The following CACNA2D3 variants were observed in gnomAD, a reference collection of about 807,000 sequenced individuals.
CACNA2D3 encodes calcium voltage-gated channel auxiliary subunit alpha2delta 3.
In CACNA2D3, 60 loss-of-function variants were observed where a neutral mutation model predicts 160.6. That is an observed-to-expected ratio of 0.37 (90% CI 0.30 to 0.46). CACNA2D3 has a LOEUF of 0.46. Among genes scored for constraint, CACNA2D3 ranks in the 20% least tolerant of loss-of-function variants. The pLI is 1.00. For synonymous variants in CACNA2D3, 558 were observed against 492.9 expected, an observed-to-expected ratio of 1.13 and a Z score of -1.75; for missense variants, 1,205 against 1,365.0, an observed-to-expected ratio of 0.88 and a Z score of 1.85.
At chr3:54,405,828 A>G (rs919570379) in intron 4 of CACNA2D3, among the ~76,000 whole-genome samples, 1 of 144,606 alleles carries the variant, frequency 6.9e-6, no homozygotes, top group African/African-American at 2.6e-5. Flanking sequence ...TCCAAAATTT[A>G]TAAAGAACTC....
intron 13 of CACNA2D3, among the ~76,000 whole-genome samples, chr3:54,777,232 G>A (rs10510773): frequency 0.24 from 36,655 of 152,034 alleles, 4,542 homozygotes; most frequent in Admixed American, 0.3. Flanking sequence ...CATAGGTAAG[G>A]ACATTTCACC....
intron 11 of CACNA2D3, among the ~76,000 whole-genome samples, chr3:54,644,389 C>A (rs1699590798): frequency 6.6e-6 from 1 of 152,110 alleles, no homozygotes; most frequent in Non-Finnish European, 1.5e-5. Context: ...CTGCCCTATT[C>A]TGGAGAGTTC....
intron 35 of CACNA2D3, among the ~76,000 whole-genome samples, chr3:55,053,078 C>A (rs1559474731): frequency 6.6e-6 from 1 of 152,020 alleles, no homozygotes. Context: ...ATGAAACTAT[C>A]ACCACAAACA....
chr3:54,324,421 T>C (rs1704077637), intron 3 of CACNA2D3, among the ~76,000 whole-genome samples: 1 of 152,238 alleles, frequency 6.6e-6, no homozygotes, highest in African/African-American at 2.4e-5. Flanking sequence ...GGTAATGGAC[T>C]ATATGTAACT....
intron 3 of CACNA2D3, among the ~76,000 whole-genome samples, chr3:54,346,411 T>C (rs1321929274): frequency 1.3e-5 from 2 of 151,668 alleles, no homozygotes; most frequent in Non-Finnish European, 2.9e-5. Context: ...TTGCCATAGT[T>C]ATCTGTTTCC....
intron 3 of CACNA2D3, among the ~76,000 whole-genome samples, chr3:54,321,266 G>A (rs1703985111): frequency 6.6e-6 from 1 of 151,738 alleles, no homozygotes; most frequent in South Asian, 2.1e-4. Flanking sequence ...GTTGCAGTGA[G>A]CCAAGATCGC....
rs569329082 is a variant in CACNA2D3 at position 54,486,826 on chromosome 3, C to T, written c.382-16666C>T. Among the ~76,000 whole-genome samples, 3 of 152,180 alleles carry T rather than the reference C, an allele frequency of 2.0e-5. No individual in the cohort carries two copies. In the South Asian group the frequency reaches 6.3e-4, roughly 32 times the overall value. On this transcript the variant is annotated intron_variant, in intron 4 of 37. Transcript: ENST00000474759. ...CTGACAGGGCCCTCTTGATTGATAG[C>T]CCCTCTTGTAGTGGAGAATGGGGTT...
chr3:54,270,444 A>G (rs1206315868), intron 2 of CACNA2D3, among the ~76,000 whole-genome samples: 1 of 152,212 alleles, frequency 6.6e-6, no homozygotes, highest in African/African-American at 2.4e-5. Flanking sequence ...CCACCATTCA[A>G]CAAGATGTTG....
intron 14 of CACNA2D3, among the ~76,000 whole-genome samples, chr3:54,827,060 C>T (rs1703764227): frequency 6.6e-6 from 1 of 152,202 alleles, no homozygotes; most frequent in Non-Finnish European, 1.5e-5. Context: ...TCCTTTGCTA[C>T]ACTTCAAACT....
chr3:55,012,175 T>C (rs867711092), intron 34 of CACNA2D3, among the ~76,000 whole-genome samples: 1 of 152,178 alleles, frequency 6.6e-6, no homozygotes, highest in Non-Finnish European at 1.5e-5. Context: ...GGACTTTGGT[T>C]CCATTTGTCA....
At chr3:54,439,973 G>T (rs768145139) in intron 4 of CACNA2D3, among the ~76,000 whole-genome samples, 1 of 152,162 alleles carries the variant, frequency 6.6e-6, no homozygotes, top group Non-Finnish European at 1.5e-5. Flanking sequence ...CAAGTGTCCT[G>T]CTTGTGGTCA....
At position 54,254,508 on chromosome 3, in the gene CACNA2D3, G is replaced by C. The variant is rs151189281; in HGVS notation, c.205-65934G>C. On this transcript the variant is annotated intron_variant, in intron 2 of 37. Transcript: ENST00000474759. ...TCTTTGTGGTTATGTTTGTGTGCCTGCCTGTATTGATGGGTGAAGATAAGG... is the reference window on the plus strand; with the variant it reads ...TCTTTGTGGTTATGTTTGTGTGCCTCCCTGTATTGATGGGTGAAGATAAGG... 1.8e-4 allele frequency among the ~76,000 whole-genome samples: 27 copies of C among 152,312 alleles called. No homozygotes were observed. In the East Asian group the frequency reaches 5.2e-3, roughly 29 times the overall value.
chr3:54,605,809 C>T (rs1043976124), intron 9 of CACNA2D3, among the ~76,000 whole-genome samples: 2 of 152,118 alleles, frequency 1.3e-5, no homozygotes, highest in Non-Finnish European at 2.9e-5. Context: ...GTACTAAATG[C>T]AGACAGGAAC....
intron 2 of CACNA2D3, among the ~76,000 whole-genome samples, chr3:54,261,765 A>G (rs576226695): frequency 1.3e-5 from 2 of 152,250 alleles, no homozygotes; most frequent in Admixed American, 6.5e-5. Context: ...ACCTCTCACT[A>G]TCCTTGGTGT....
chr3:54,156,748 G>A (rs768999569), intron 2 of CACNA2D3, among the ~76,000 whole-genome samples: 10 of 152,244 alleles, frequency 6.6e-5, no homozygotes, highest in Middle Eastern at 6.8e-3. Flanking sequence ...TGCTAGCCAC[G>A]TGAGGGAGCC....
At chr3:54,318,475 A>G (rs544693581) in intron 2 of CACNA2D3, among the ~76,000 whole-genome samples, 39 of 152,206 alleles carry the variant, frequency 2.6e-4, no homozygotes, top group South Asian at 6.2e-4. Context: ...GCAGATGTCA[A>G]TCTTGGTCTA....
chr3:54,901,324 G>A (rs1402654038), intron 27 of CACNA2D3: 2 of 152,184 alleles, frequency 1.3e-5, no homozygotes, highest in Non-Finnish European at 2.9e-5. Flanking sequence ...TCATCATGAA[G>A]GATGAGCCCT....
intron 5 of CACNA2D3, among the ~76,000 whole-genome samples, chr3:54,522,790 G>A (rs1459917440): frequency 6.6e-6 from 1 of 152,134 alleles, no homozygotes; most frequent in African/African-American, 2.4e-5. Flanking sequence ...ATCCATTCAT[G>A]AGGGCAGAGA....
At chr3:54,879,145 A>G (rs541432259) in intron 19 of CACNA2D3, 56 bp downstream of exon 19, 30 of 1,193,196 alleles carry the variant, frequency 2.5e-5, no homozygotes, top group Non-Finnish European at 3.4e-5. Flanking sequence ...ACTGTGAAAA[A>G]TTAGCTTTGA....
Sources: allele counts gnomAD v4.1 joint callset (sites outside exome capture counted in the v4.1 genomes callset), GRCh38; gene constraint gnomAD v4.1.1; transcripts MANE v1.5; gene names NCBI Gene and HGNC (gene_info 2026-07-23, HGNC 2026-07-21).